Variants in TRIM34 observed in about 807,000 individuals in gnomAD.
TRIM34 encodes the protein E3 ubiquitin-protein ligase TRIM34.
In TRIM34, 41 loss-of-function variants were observed where a neutral mutation model predicts 38.1. The observed-to-expected ratio is 1.08, with a 90% CI of 0.84 to 1.40. TRIM34 has a LOEUF of 1.40. Among genes scored for constraint, TRIM34 ranks in the 40% most tolerant of loss-of-function variants. TRIM34 has a pLI of 0.00. For missense variants in TRIM34, 556 were observed against 571.4 expected, an observed-to-expected ratio of 0.97 and a Z score of 0.27; for synonymous variants, 200 against 202.5, an observed-to-expected ratio of 0.99 and a Z score of 0.10.
At chr11:5,641,347 G>GC in intron 5 of TRIM34, 158 bp downstream of exon 5, 1 of 1,495,532 alleles carries the variant, frequency 6.7e-7, no homozygotes, top group Admixed American at 2.2e-5. Flanking sequence ...GAGTATTTGA[G>GC]TGTTCCGTAA....
intron 5 of TRIM34, among the ~76,000 whole-genome samples, chr11:5,641,818 T>A (rs11038488): frequency 0.58 from 88,806 of 151,998 alleles, 27,999 homozygotes; most frequent in Non-Finnish European, 0.73. Flanking sequence ...TACAAAGACA[T>A]AAAATTCTAA....
Position 5,644,122 on chromosome 11 carries a change from A to T in TRIM34, c.*413A>T. On this transcript the variant is annotated 3_prime_UTR_variant, in exon 8 of 8. Coordinates refer to ENST00000429814, the MANE Select transcript of TRIM34 (RefSeq NM_021616.6). ...GGTATGTCAGTGTGTTGCTCAGGAT[A>T]CCCCAGGTACATCAAGGAATCAAGG... 2 of 401,714 alleles carry T rather than the reference A, an allele frequency of 5.0e-6. No homozygotes were observed. Among genetic ancestry groups the T allele is most frequent in the Non-Finnish European group, 8.8e-6 (2 of 228,246 alleles). 24.9% of individuals were successfully genotyped at this position (401,714 alleles called of 1,614,324 possible). A position where few individuals can be genotyped will look rare whatever the true frequency, so the allele number is the denominator to read the frequency against.
chr11:5,625,566 G>A (rs1849176581), intron 1 of TRIM34, among the ~76,000 whole-genome samples: 1 of 152,166 alleles, frequency 6.6e-6, no homozygotes. Flanking sequence ...GTTGAAGTGG[G>A]TTCTTTTGCT....
chr11:5,642,567 G>T, intron 6 of TRIM34, 61 bp downstream of exon 6: 1 of 1,570,078 alleles, frequency 6.4e-7, no homozygotes, highest in African/African-American at 1.4e-5. Flanking sequence ...GTAATAAACT[G>T]TCTAGGTGGG....
chr11:5,642,323 G>A (rs924736263), intron 5 of TRIM34, 83 bp from the exon 6 acceptor site: 4 of 1,261,810 alleles, frequency 3.2e-6, no homozygotes, highest in Non-Finnish European at 3.4e-6. Context: ...CATCAGTGAT[G>A]TGAAGGAGAT....
chr11:5,625,748 T>C (rs997354303), intron 1 of TRIM34, among the ~76,000 whole-genome samples: 18 of 152,208 alleles, frequency 1.2e-4, no homozygotes, highest in Non-Finnish European at 2.2e-4. Flanking sequence ...TCCCTGAACA[T>C]ACCTGTTTAC....
In TRIM34 at chr11:5,634,686, G is replaced by T. The variant is rs749015146; in HGVS notation, c.575G>T (p.Ser192Ile). 6.2e-7 allele frequency: 1 copy of T among 1,614,046 alleles called. No individual in the cohort carries two copies. The highest frequency in any genetic ancestry group is 1.1e-5 in the South Asian group (1 of 91,066). Residue 192 changes from serine to isoleucine, a missense_variant, in exon 4 of 8, where the codon AGC becomes ATC. By Grantham distance (142) the Ser-to-Ile change is moderately radical (BLOSUM62 -2). Transcript: ENST00000429814. ...RIQTEFDQLR[S>I]ILNNEEQREL... ...CAAACAGAATTTGATCAGCTTAGAAGCATCCTAAATAATGAGGAGCAGAGA... is the reference window on the plus strand; with the variant it reads ...CAAACAGAATTTGATCAGCTTAGAATCATCCTAAATAATGAGGAGCAGAGA...
chr11:5,624,201 C>G (rs145096549), upstream of TRIM34, among the ~76,000 whole-genome samples: 1 of 152,248 alleles, frequency 6.6e-6, no homozygotes, highest in African/African-American at 2.4e-5. Flanking sequence ...GCCTCAGATT[C>G]GCGTAAAAAT....
chr11:5,623,534 A>AT (rs372066980), upstream of TRIM34, among the ~76,000 whole-genome samples: 6,764 of 126,582 alleles, frequency 0.053, 558 homozygotes, highest in African/African-American at 0.17. Flanking sequence ...TGCCCGGCTA[A>AT]TTTTTTTTTT....
chr11:5,644,346 A>G lies in TRIM34; in HGVS notation c.*637A>G. ...AACTAAGTGTCTCTAAATGTAATGCATCGATTTAGTGTCTGGAACATAATA... is the reference window on the plus strand; with the variant it reads ...AACTAAGTGTCTCTAAATGTAATGCGTCGATTTAGTGTCTGGAACATAATA... On this transcript the variant is annotated 3_prime_UTR_variant, in exon 8 of 8. Transcript: ENST00000429814. 5.0e-6 allele frequency: 2 copies of G among 398,312 alleles called. No homozygotes were observed. Among genetic ancestry groups the G allele is most frequent in the Non-Finnish European group, 8.9e-6 (2 of 225,922 alleles). 24.7% of individuals were successfully genotyped at this position (398,312 alleles called of 1,614,324 possible). A position where few individuals can be genotyped will look rare whatever the true frequency, so the allele number is the denominator to read the frequency against.
rs117433832 is a variant in TRIM34 at position 5,630,270 on chromosome 11, G to A, written c.-77-1985G>A. Among the ~76,000 whole-genome samples the A allele has an allele frequency of 6.7e-3, 1,023 of 152,214 alleles. 11 individuals carry two copies. The highest frequency in any genetic ancestry group is 0.011 in the Non-Finnish European group (748 of 68,020). ...CGATGTGTTTTTTATAGGAAGAAAG[G>A]ACTTAAGCCTAATGATAACCTTTTT... On this transcript the variant is annotated intron_variant, in intron 1 of 7. Transcript: ENST00000429814.
At chr11:5,639,449 A>G (rs2880342) in intron 4 of TRIM34, among the ~76,000 whole-genome samples, 49,139 of 151,506 alleles carry the variant, frequency 0.32, 8,888 homozygotes, top group East Asian at 0.62. Flanking sequence ...GGGAGACCGA[A>G]GAGGGCGGAT....
At position 5,642,392 on chromosome 11, in the gene TRIM34, T is replaced by G. The variant is rs1214705854; in HGVS notation, c.774-14T>G. 1 of 1,609,960 alleles carries G rather than the reference T, an allele frequency of 6.2e-7. No individual in the cohort carries two copies. The highest frequency in any genetic ancestry group is 8.5e-7 in the Non-Finnish European group (1 of 1,178,916). On this transcript the variant is annotated splice_polypyrimidine_tract_variant and intron_variant, in intron 5 of 7. Transcript: ENST00000429814. The stretch of plus-strand genomic sequence containing the variant: ...TGAGAGATGTGGGGGTCAAAAAATT[T>G]TTTTCATCCCTAGGAGTGAGATCTG...
chr11:5,634,019 T>A, intron 3 of TRIM34, 120 bp downstream of exon 3: 1 of 1,066,778 alleles, frequency 9.4e-7, no homozygotes, highest in Non-Finnish European at 1.3e-6. Flanking sequence ...TGATTAGTTC[T>A]CTTCTCTGTC....
At position 5,632,296 on chromosome 11, in the gene TRIM34, G is replaced by T; in HGVS notation, c.-36G>T. ...AACCAGAAGAGAGAGGAGAGCCTCA[G>T]GAGTTAGGACCAGAAGAAGCCAGGG... On this transcript the variant is annotated 5_prime_UTR_variant, in exon 2 of 8. It adds an upstream start codon to the 5' untranslated region. Coordinates refer to ENST00000429814, the MANE Select transcript of TRIM34 (RefSeq NM_021616.6). The T allele has an allele frequency of 6.2e-7, 1 of 1,613,762 alleles. No homozygotes were observed. The highest frequency in any genetic ancestry group is 8.5e-7 in the Non-Finnish European group (1 of 1,179,830).
At chr11:5,621,745 C>A (rs10400260), upstream of TRIM34, among the ~76,000 whole-genome samples, 48,495 of 152,020 alleles carry the variant, frequency 0.32, 8,432 homozygotes, top group East Asian at 0.62. Context: ...ACATAAATGC[C>A]TATCTGATTG....
chr11:5,634,938 A>T, intron 4 of TRIM34, 77 bp downstream of exon 4: 16 of 1,495,748 alleles, frequency 1.1e-5, no homozygotes, highest in Non-Finnish European at 1.4e-5. Flanking sequence ...CCTGGTGGTG[A>T]CACTAAGGGG....
In TRIM34 at chr11:5,631,301, C is replaced by A. The variant is rs183315816; in HGVS notation, c.-77-954C>A. On this transcript the variant is annotated intron_variant, in intron 1 of 7. Transcript: ENST00000429814. The stretch of plus-strand genomic sequence containing the variant: ...CATAACCCTGGATCCCAATCTACTT[C>A]TTTCAGGCTTTACCTCGGCTTTTCT... Among the ~76,000 whole-genome samples the A allele has an allele frequency of 2.3e-3, 346 of 152,346 alleles. 2 individuals carry two copies. Among genetic ancestry groups the A allele is most frequent in the Non-Finnish European group, 3.9e-3 (266 of 68,028 alleles).
At chr11:5,626,189 A>T (rs1849218051) in intron 1 of TRIM34, among the ~76,000 whole-genome samples, 1 of 152,234 alleles carries the variant, frequency 6.6e-6, no homozygotes, top group Admixed American at 6.5e-5. Flanking sequence ...AACATATGGG[A>T]TAAAATTGAT....
Sources: allele counts gnomAD v4.1 joint callset (sites outside exome capture counted in the v4.1 genomes callset), GRCh38; gene constraint gnomAD v4.1.1; transcripts MANE v1.5; gene names NCBI Gene and HGNC (gene_info 2026-07-23, HGNC 2026-07-21).